Variants in MYO5B observed in about 807,000 individuals in gnomAD.
MYO5B encodes the protein myosin VB.
In MYO5B, 143 loss-of-function variants were observed where a neutral mutation model predicts 229.3. The ratio of observed to expected loss-of-function variants is 0.62; its 90% CI spans 0.54 to 0.72. MYO5B has a LOEUF of 0.72. Ranked by LOEUF, MYO5B falls within the 30% of genes least tolerant of loss-of-function variation. MYO5B has a pLI of 0.00. For missense variants in MYO5B, 2,321 were observed against 2,331.0 expected (o/e 1.00, Z 0.09); for synonymous variants, 918 against 885.2 (o/e 1.04, Z -0.66).
intron 30 of MYO5B, among the ~76,000 whole-genome samples, chr18:49,853,905 C>G (rs1342370384): frequency 2.0e-5 from 3 of 152,246 alleles, no homozygotes; most frequent in African/African-American, 7.2e-5. Context: ...ACCCTTGTTC[C>G]TCATTCAGTG....
chr18:50,187,394 G>A (rs1364247112), intron 1 of MYO5B, among the ~76,000 whole-genome samples: 1 of 152,238 alleles, frequency 6.6e-6, no homozygotes, highest in African/African-American at 2.4e-5. Flanking sequence ...CTGAGGTGAT[G>A]CAGTGAGAAA....
At chr18:50,124,047 A>C (rs1297673637) in intron 1 of MYO5B, among the ~76,000 whole-genome samples, 1 of 152,224 alleles carries the variant, frequency 6.6e-6, no homozygotes, top group East Asian at 1.9e-4. Context: ...CCATGGGCAC[A>C]TTATTTGTGC....
chr18:49,916,722 C>G (rs956033569), intron 17 of MYO5B, among the ~76,000 whole-genome samples: 1 of 151,956 alleles, frequency 6.6e-6, no homozygotes, highest in South Asian at 2.1e-4. Flanking sequence ...CAGGAGGGAC[C>G]AAGAGAGTTC....
chr18:49,920,447 C>G (rs916390091), intron 17 of MYO5B, among the ~76,000 whole-genome samples: 1 of 152,136 alleles, frequency 6.6e-6, no homozygotes, highest in South Asian at 2.1e-4. Context: ...AGCACTCACA[C>G]CATCAGAAAC....
intron 4 of MYO5B, 81 bp downstream of exon 4, chr18:50,036,769 A>G: frequency 6.6e-7 from 1 of 1,515,350 alleles, no homozygotes; most frequent in East Asian, 2.3e-5. Flanking sequence ...CACTGTGAGC[A>G]TCAGTTGCAG....
rs547262164 is a variant in MYO5B, at chr18:49,992,270, G to A, written c.756+18C>T. The A allele has an allele frequency of 3.4e-5, 55 of 1,613,962 alleles. No homozygotes were observed. Among genetic ancestry groups the A allele is most frequent in the East Asian group, 8.9e-5 (4 of 44,884 alleles). ...GTCCATGAGAAATACACAAAAGGGC[G>A]CAAATCCTCCCACTCACCTGGAAGA... On this transcript the variant is annotated intron_variant, in intron 6 of 39. Coordinates refer to ENST00000285039, the MANE Select transcript of MYO5B (RefSeq NM_001080467.3).
At chr18:50,178,146 G>A (rs1276206092) in intron 1 of MYO5B, among the ~76,000 whole-genome samples, 1 of 152,166 alleles carries the variant, frequency 6.6e-6, no homozygotes, top group Non-Finnish European at 1.5e-5. Flanking sequence ...AGACATCTCT[G>A]CTGTGGGGAG....
At position 49,898,829 on chromosome 18, in the gene MYO5B, C is replaced by G. The variant is rs1269674300; in HGVS notation, c.2812-3655G>C. On this transcript the variant is annotated intron_variant, in intron 21 of 39. Transcript: ENST00000285039. ...TTAGGATATGAATGTTGGGTGCTAG[C>G]CTTACCCTGGTTTTATCTTTGTTTC... Among the ~76,000 whole-genome samples the G allele has an allele frequency of 2.0e-5, 3 of 152,086 alleles. No homozygotes were observed. In the South Asian group the frequency reaches 6.2e-4, roughly 31 times the overall value.
intron 17 of MYO5B, among the ~76,000 whole-genome samples, chr18:49,926,622 A>C (rs1003011611): frequency 2.0e-5 from 3 of 152,230 alleles, no homozygotes; most frequent in Non-Finnish European, 4.4e-5. Context: ...GCAAGTGTCC[A>C]GAGGGGATCC....
intron 8 of MYO5B, among the ~76,000 whole-genome samples, chr18:49,984,295 A>G (rs972104365): frequency 3.9e-5 from 6 of 152,260 alleles, no homozygotes; most frequent in Non-Finnish European, 8.8e-5. Context: ...AGACCTTCAC[A>G]GCCTGCTTCC....
At position 49,856,964 on chromosome 18, in the gene MYO5B, G is replaced by A. The variant is rs1568612423; in HGVS notation, c.3945-74C>T. ...ACAGGCAGGCAGGGAGTCCTGGAAAGTGAGGAGATTCTAGCCAAGGTTTGG... is the reference window on the plus strand; with the variant it reads ...ACAGGCAGGCAGGGAGTCCTGGAAAATGAGGAGATTCTAGCCAAGGTTTGG... On this transcript the variant is annotated intron_variant, in intron 29 of 39. Coordinates refer to ENST00000285039, the MANE Select transcript of MYO5B (RefSeq NM_001080467.3). 3 of 1,301,842 alleles carry A rather than the reference G, an allele frequency of 2.3e-6. No homozygotes were observed. The East Asian group carries it at 7.0e-5, about 30-fold the overall frequency. 80.6% of individuals were successfully genotyped at this position (1,301,842 alleles called of 1,614,324 possible).
intron 21 of MYO5B, among the ~76,000 whole-genome samples, chr18:49,897,796 TAC>T (rs1189745195): frequency 6.6e-6 from 1 of 152,210 alleles, no homozygotes; most frequent in Non-Finnish European, 1.5e-5. Context: ...TTATAAAGTC[TAC>T]AGGAGTGGAC....
intron 1 of MYO5B, among the ~76,000 whole-genome samples, chr18:50,157,413 T>G (rs965116514): frequency 1.3e-5 from 2 of 152,170 alleles, no homozygotes; most frequent in Non-Finnish European, 2.9e-5. Flanking sequence ...CACCAAAATA[T>G]CCTATGTGAT....
Position 49,825,597 on chromosome 18 carries a change from AC to A in MYO5B, c.*873del, listed in dbSNP as rs1052746528. On this transcript the variant is annotated 3_prime_UTR_variant, in exon 40 of 40. Transcript: ENST00000285039. ...TAAGAGATTAAAAGCTTTCATATTGACTTGTTTGGTTTTTACATCTATAAAT... is the reference window on the plus strand; with the variant it reads ...TAAGAGATTAAAAGCTTTCATATTGATTGTTTGGTTTTTACATCTATAAAT... 4 of 152,126 alleles carry A rather than the reference AC, an allele frequency of 2.6e-5. No homozygotes were observed. The highest frequency in any genetic ancestry group is 6.5e-5 in the Admixed American group (1 of 15,280). 9.4% of individuals were successfully genotyped at this position (152,126 alleles called of 1,614,324 possible). A position where few individuals can be genotyped will look rare whatever the true frequency, so the allele number is the denominator to read the frequency against.
intron 1 of MYO5B, among the ~76,000 whole-genome samples, chr18:50,102,110 C>T (rs2031666930): frequency 6.6e-6 from 1 of 152,092 alleles, no homozygotes; most frequent in African/African-American, 2.4e-5. Flanking sequence ...TTGGATGGTT[C>T]AAACTGGAAG....
chr18:49,916,961 C>G (rs1314859985), intron 17 of MYO5B, among the ~76,000 whole-genome samples: 1 of 152,180 alleles, frequency 6.6e-6, no homozygotes, highest in Non-Finnish European at 1.5e-5. Context: ...AAGGGGCTTT[C>G]TGATTTGGTG....
intron 1 of MYO5B, among the ~76,000 whole-genome samples, chr18:50,104,904 G>A (rs183431871): frequency 6.6e-6 from 1 of 152,138 alleles, no homozygotes; most frequent in Admixed American, 6.5e-5. Flanking sequence ...GAACTCCAAA[G>A]GCCAGAACAG....
At chr18:50,154,471 G>A (rs972269646) in intron 1 of MYO5B, among the ~76,000 whole-genome samples, 2 of 152,136 alleles carry the variant, frequency 1.3e-5, no homozygotes, top group African/African-American at 2.4e-5. Context: ...CCTGCATATT[G>A]GGGAAGGGAA....
intron 4 of MYO5B, among the ~76,000 whole-genome samples, chr18:50,008,929 G>C (rs182064765): frequency 1.3e-5 from 2 of 152,228 alleles, no homozygotes; most frequent in Non-Finnish European, 1.5e-5. Context: ...TTTTTAAAAA[G>C]AAGGACTATG....
Sources: gnomAD v4.1 joint callset for allele counts (sites outside exome capture counted in the v4.1 genomes callset) on GRCh38, gnomAD v4.1.1 for gene constraint, MANE v1.5 for transcripts, NCBI Gene and HGNC (gene_info 2026-07-23, HGNC 2026-07-21) for gene names.